The following PAK3 variants were observed in gnomAD, a reference collection of about 807,000 sequenced individuals.
PAK3 encodes the protein serine/threonine-protein kinase PAK 3.
In PAK3, 4 loss-of-function variants were observed where a neutral mutation model predicts 41.0. The observed-to-expected ratio is 0.10, with a 90% CI of 0.05 to 0.22. PAK3 has a LOEUF of 0.22. PAK3 is among the 10% of genes least tolerant of loss of function. PAK3 has a pLI of 1.00. For synonymous variants in PAK3, 146 were observed against 139.6 expected (o/e 1.05, Z -0.32); for missense variants, 205 against 409.9 (o/e 0.50, Z 4.32).
chrX:111,029,713 C>T (rs771456675), intron 1 of PAK3, among the ~76,000 whole-genome samples: 1 of 111,993 alleles, frequency 8.9e-6, no homozygotes, highest in Admixed American at 9.5e-5. Context: ...CTTGTAGTGT[C>T]TTGACTTTTC....
At position 111,152,723 on chromosome X, in the gene PAK3, C is replaced by T. The variant is rs181769688; in HGVS notation, c.468+276C>T. 1.6e-3 allele frequency: 358 copies of T among 228,129 alleles called. 2 individuals carry two copies. The highest frequency in any genetic ancestry group is 9.6e-3 in the African/African-American group (334 of 34,721). 18.8% of individuals were successfully genotyped at this position (228,129 alleles called of 1,213,427 possible). A position where few individuals can be genotyped will look rare whatever the true frequency, so the allele number is the denominator to read the frequency against. The stretch of plus-strand genomic sequence containing the variant: ...CCTACTTACAGTTAACTCCACCCAC[C>T]CCACCCTAGTCACAGGCAAGAACTA... On this transcript the variant is annotated intron_variant, in intron 8 of 17. Transcript: ENST00000372007.
At chrX:111,124,752 G>C (rs1196990997) in intron 5 of PAK3, among the ~76,000 whole-genome samples, 1 of 111,128 alleles carries the variant, frequency 9.0e-6, no homozygotes, top group Non-Finnish European at 1.9e-5. Context: ...CCCTCTCAGG[G>C]GAAATAAATG....
Position 111,220,586 on chromosome X carries a change from C to G in PAK3, c.*139C>G, listed in dbSNP as rs1025752556. On this transcript the variant is annotated 3_prime_UTR_variant, in exon 18 of 18. Transcript: ENST00000372007. ...CAAATGAATAGAAACTTCTTATAAG[C>G]CTTTTTCCTACTCCCTCAGATTATG... The G allele has an allele frequency of 3.9e-6, 2 of 507,615 alleles. No homozygotes were observed. Among genetic ancestry groups the G allele is most frequent in the South Asian group, 5.4e-5 (2 of 37,325 alleles). The allele number at this position is 507,615 out of a possible 1,213,427, so 41.8% of individuals were successfully genotyped here.
At position 111,212,034 on chromosome X, in the gene PAK3, T is replaced by A. The variant is rs2094827148; in HGVS notation, c.1408-4387T>A. ...GAGAAGTGGATGGGTATGAAAGACA[T>A]TTCTAAAGGTTGCATTAATAGAACC... On this transcript the variant is annotated intron_variant, in intron 16 of 17. Transcript: ENST00000372007. Among the ~76,000 whole-genome samples the A allele has an allele frequency of 2.7e-5, 3 of 111,854 alleles. No homozygotes were observed. In the South Asian group the frequency reaches 1.1e-3, roughly 42 times the overall value.
chrX:111,195,811 A>G (rs753939818), intron 14 of PAK3, 31 bp from the exon 15 acceptor site: 2 of 899,707 alleles, frequency 2.2e-6, no homozygotes, highest in African/African-American at 1.9e-5. Context: ...TATTTGTGAT[A>G]TAATTAGAAC....
chrX:111,009,326 G>A (rs2091978892), intron 1 of PAK3, among the ~76,000 whole-genome samples: 1 of 111,576 alleles, frequency 9.0e-6, no homozygotes, highest in African/African-American at 3.3e-5. Context: ...TGATATACAT[G>A]TACTTTTAGG....
At chrX:111,032,601 C>T (rs1212344742) in intron 1 of PAK3, among the ~76,000 whole-genome samples, 1 of 111,475 alleles carries the variant, frequency 9.0e-6, no homozygotes, top group East Asian at 2.8e-4. Flanking sequence ...ACGAAAACTG[C>T]CCAATGCTGA....
chrX:111,089,299 C>T (rs748781913), intron 1 of PAK3, among the ~76,000 whole-genome samples: 78 of 112,248 alleles, frequency 6.9e-4, no homozygotes, highest in African/African-American at 2.4e-3. Context: ...AATAAGAAAG[C>T]TATAAAAGAT....
chrX:110,997,502 A>C (rs2091760880), intron 1 of PAK3, among the ~76,000 whole-genome samples: 1 of 111,346 alleles, frequency 9.0e-6, no homozygotes, highest in South Asian at 3.8e-4. Context: ...TGAGAGATAG[A>C]GTATTTAGGA....
intron 10 of PAK3, among the ~76,000 whole-genome samples, chrX:111,172,134 G>C (rs1225725575): frequency 9.0e-6 from 1 of 111,384 alleles, no homozygotes; most frequent in African/African-American, 3.3e-5. Context: ...AAATAGTGTG[G>C]ATAAGTTCTT....
chrX:111,025,072 A>G (rs2092249347), intron 1 of PAK3, among the ~76,000 whole-genome samples: 1 of 111,524 alleles, frequency 9.0e-6, no homozygotes, highest in African/African-American at 3.2e-5. Flanking sequence ...TGAAATTCAT[A>G]TGGAAATTAA....
At position 111,219,954 on chromosome X, in the gene PAK3, A is replaced by G. The variant is rs139172470; in HGVS notation, c.1546-404A>G. ...TTAAGTACTGCAGAGGGGCCAAAAG[A>G]GAAATGGTAGAGGCACAGCCGTTGG... On this transcript the variant is annotated intron_variant, in intron 17 of 17. Coordinates refer to ENST00000372007, the MANE Select transcript of PAK3 (RefSeq NM_002578.5). 7.3e-3 allele frequency among the ~76,000 whole-genome samples: 824 copies of G among 112,126 alleles called. 4 individuals are homozygous for G. The highest frequency in any genetic ancestry group is 0.026 in the African/African-American group (794 of 30,886).
At chrX:111,170,248 G>A (rs895258498) in intron 10 of PAK3, among the ~76,000 whole-genome samples, 1 of 111,137 alleles carries the variant, frequency 9.0e-6, no homozygotes, top group Non-Finnish European at 1.9e-5. Context: ...AGGCTACTGA[G>A]TAGATGGATT....
intron 1 of PAK3, among the ~76,000 whole-genome samples, chrX:111,010,425 G>GA (rs2091995021): frequency 9.0e-6 from 1 of 111,502 alleles, no homozygotes. Context: ...AGTGCTAGCT[G>GA]ATATGGTTTG....
intron 4 of PAK3, among the ~76,000 whole-genome samples, chrX:111,111,873 G>A (rs1050362118): frequency 3.4e-4 from 38 of 111,251 alleles, no homozygotes; most frequent in African/African-American, 1.0e-3. Flanking sequence ...ATCAAGGCTG[G>A]CATCTCTACC....
chrX:111,108,585 GT>G (rs2093315915), intron 4 of PAK3, among the ~76,000 whole-genome samples: 1 of 112,548 alleles, frequency 8.9e-6, no homozygotes, highest in Non-Finnish European at 1.9e-5. Context: ...GATCTAGGTT[GT>G]GTGCTCCTTA....
intron 4 of PAK3, among the ~76,000 whole-genome samples, chrX:111,120,638 G>T (rs1355941154): frequency 9.0e-6 from 1 of 111,603 alleles, no homozygotes. Flanking sequence ...AGTTAAATAT[G>T]TCATCAGAAA....
intron 16 of PAK3, among the ~76,000 whole-genome samples, chrX:111,211,414 G>A (rs908370874): frequency 4.5e-5 from 5 of 110,810 alleles, no homozygotes; most frequent in African/African-American, 1.6e-4. Flanking sequence ...GGCTGGACGC[G>A]GTGGCTCATG....
intron 16 of PAK3, among the ~76,000 whole-genome samples, chrX:111,204,413 A>G (rs776012246): frequency 3.6e-5 from 4 of 111,740 alleles, no homozygotes; most frequent in East Asian, 5.6e-4. Flanking sequence ...TACCATACCT[A>G]TAACTAAGTA....
Sources: allele counts gnomAD v4.1 joint callset (sites outside exome capture counted in the v4.1 genomes callset), GRCh38; gene constraint gnomAD v4.1.1; transcripts MANE v1.5; gene names NCBI Gene and HGNC (gene_info 2026-07-23, HGNC 2026-07-21).